Variants in DNAH17 observed in about 807,000 individuals in gnomAD.
The protein encoded by DNAH17 is axonemal beta dynein heavy chain 17.
In DNAH17, 376 loss-of-function variants were observed where a neutral mutation model predicts 485.6. That is an observed-to-expected ratio of 0.77 (90% CI 0.71 to 0.84). The LOEUF (loss-of-function observed/expected upper bound fraction) is 0.84. Ranked by LOEUF, DNAH17 falls within the 40% of genes least tolerant of loss-of-function variation. The probability of loss-of-function intolerance (pLI) is 0.00; values close to 1 mark genes in which losing one functional copy is unlikely to be tolerated. For synonymous variants in DNAH17, 3,031 were observed against 2,405.9 expected (o/e 1.26, Z -7.60); for missense variants, 6,370 against 5,839.3 (o/e 1.09, Z -2.96).
At chr17:78,478,654 CACCATCACT>C (rs373405651) in intron 51 of DNAH17, among the ~76,000 whole-genome samples, 4,064 of 151,326 alleles carry the variant, frequency 0.027, 166 homozygotes, top group African/African-American at 0.09. Context: ...TTACCATCAC[CACCATCACT>C]ACCATCACTA....
intron 30 of DNAH17, 24 bp downstream of exon 30, chr17:78,506,696 C>G: frequency 1.2e-6 from 2 of 1,613,444 alleles, no homozygotes; most frequent in African/African-American, 1.3e-5. Context: ...GCTTAAACAC[C>G]GGAATGCAAG....
intron 48 of DNAH17, among the ~76,000 whole-genome samples, chr17:78,482,068 T>A (rs1568125993): frequency 8.1e-6 from 1 of 123,068 alleles, no homozygotes; most frequent in Non-Finnish European, 1.6e-5. Context: ...CTACACTAGT[T>A]ACTTTTTTTT....
rs1347277931 is a variant in DNAH17, at chr17:78,522,297, T to C, written c.3864+2712A>G. On this transcript the variant is annotated intron_variant, in intron 25 of 80. Coordinates refer to ENST00000389840, the MANE Select transcript of DNAH17 (RefSeq NM_173628.4). ...AGAACCACAGTACCTCCACTGAGAA[T>C]GCAGACAAGTCCAACCAGGACCCTC... 2.8e-5 allele frequency: 7 copies of C among 253,534 alleles called. No homozygotes were observed. The Admixed American group carries it at 3.9e-4, about 14-fold the overall frequency. The allele number at this position is 253,534 out of a possible 1,614,324, so 15.7% of individuals were successfully genotyped here.
At chr17:78,536,558 G>A (rs1047648695) in intron 19 of DNAH17, among the ~76,000 whole-genome samples, 2 of 152,086 alleles carry the variant, frequency 1.3e-5, no homozygotes, top group African/African-American at 2.4e-5. Context: ...ATGCATGCTC[G>A]TAATCCCAGC....
intron 71 of DNAH17, among the ~76,000 whole-genome samples, chr17:78,442,084 G>GA (rs112049270): frequency 0.81 from 120,526 of 149,272 alleles, 48,842 homozygotes; most frequent in East Asian, 0.92. Context: ...CTCCATCTCA[G>GA]AAAAAAAAAA....
Position 78,479,073 on chromosome 17 carries a change from A to C in DNAH17, c.7944T>G (p.Ile2648Met), listed in dbSNP as rs2089234373. 2 of 1,613,902 alleles carry C rather than the reference A, an allele frequency of 1.2e-6. No individual in the cohort carries two copies. Among genetic ancestry groups the C allele is most frequent in the African/African-American group, 2.7e-5 (2 of 74,928 alleles). ...KITATFLPTA[I>M]KFHYVFNLRD... ...TGAGGTTGAAGACATAATGAAACTT[A>C]ATGGCCGTGGGAAGAAATGTTGCCG... Residue 2648 changes from isoleucine to methionine, a missense_variant, in exon 51 of 81, where the codon ATT becomes ATG. Physicochemically the swap from Ile to Met is conservative, Grantham distance 10. Coordinates refer to ENST00000389840, the MANE Select transcript of DNAH17 (RefSeq NM_173628.4).
rs553388833 is a variant in DNAH17, at chr17:78,467,428, G to A, written c.8779-612C>T. ...TTTGCACCCCTCACTGCGTGATGAC[G>A]TGAGGGTGCAGGACAGAGCCGGCAC... On this transcript the variant is annotated intron_variant, in intron 55 of 80. Transcript: ENST00000389840. 3.1e-4 allele frequency among the ~76,000 whole-genome samples: 47 copies of A among 152,342 alleles called. No individual in the cohort carries two copies. In the South Asian group the frequency reaches 4.6e-3, roughly 15 times the overall value.
Position 78,571,377 on chromosome 17 carries a change from A to G in DNAH17, c.734T>C (p.Leu245Pro). The change falls in exon 5 of 81, where the codon CTA (leucine) becomes CCA (proline). Residue 245 changes from leucine to proline, a missense_variant and splice_region_variant. By Grantham distance (98) the Leu-to-Pro change is moderately conservative. Coordinates refer to ENST00000389840, the MANE Select transcript of DNAH17 (RefSeq NM_173628.4). ...AATCTTGTTCACTTTGGGTCTGTTTAGCTGAGAAGGGGAGTGAAGATCCAC... is the reference window on the plus strand; with the variant it reads ...AATCTTGTTCACTTTGGGTCTGTTTGGCTGAGAAGGGGAGTGAAGATCCAC... Reference protein sequence around the residue: ...LLNLKCIHEQLNRPKVNKIVE... With the variant: ...LLNLKCIHEQPNRPKVNKIVE... 1 of 1,612,226 alleles carries G rather than the reference A, an allele frequency of 6.2e-7. No individual in the cohort carries two copies. The highest frequency in any genetic ancestry group is 8.5e-7 in the Non-Finnish European group (1 of 1,178,466).
intron 2 of DNAH17, among the ~76,000 whole-genome samples, chr17:78,573,900 C>A (rs2092396650): frequency 6.6e-6 from 1 of 152,138 alleles, no homozygotes; most frequent in Non-Finnish European, 1.5e-5. Context: ...GATAAGGCAC[C>A]CCCATTCTGG....
intron 14 of DNAH17, among the ~76,000 whole-genome samples, 161 bp downstream of exon 14, chr17:78,557,947 T>A (rs1038878832): frequency 3.3e-5 from 5 of 152,046 alleles, no homozygotes; most frequent in African/African-American, 1.2e-4. Flanking sequence ...CACATACACA[T>A]AGCAGGTACT....
chr17:78,480,220 A>G (rs2089291606), intron 49 of DNAH17, among the ~76,000 whole-genome samples: 1 of 151,504 alleles, frequency 6.6e-6, no homozygotes. Flanking sequence ...GTGGTGGCGC[A>G]CACCTGTAGC....
chr17:78,432,840 T>A (rs886914431), intron 75 of DNAH17, among the ~76,000 whole-genome samples: 4 of 150,150 alleles, frequency 2.7e-5, no homozygotes, highest in African/African-American at 1.0e-4. Context: ...GGAAGCAGGC[T>A]TAGCGGTCCA....
chr17:78,432,909 C>CCG lies in DNAH17; in HGVS notation c.12225+1119_12225+1120insCG, dbSNP rs1555650500. The stretch of plus-strand genomic sequence containing the variant: ...AGAGCAGGCTTCAAACGTGCCCCCC[C>CCG]CCCCCGACCCCGGTGCCAGCACCGT... On this transcript the variant is annotated intron_variant, in intron 75 of 80. Transcript: ENST00000389840. Among the ~76,000 whole-genome samples, 15 of 120,748 alleles carry CCG rather than the reference C, an allele frequency of 1.2e-4. 1 individual carries two copies. Among genetic ancestry groups the CCG allele is most frequent in the East Asian group, 5.5e-4 (2 of 3,640 alleles). The allele number at this position is 120,748 out of a possible 152,430, so 79.2% of individuals were successfully genotyped here.
chr17:78,574,338 C>A (rs2092403292), intron 2 of DNAH17, among the ~76,000 whole-genome samples: 1 of 151,880 alleles, frequency 6.6e-6, no homozygotes, highest in Non-Finnish European at 1.5e-5. Context: ...TCATCTCTTA[C>A]CAAAAAATAC....
At chr17:78,461,469 A>AC (rs1349885361) in intron 58 of DNAH17, 75 bp downstream of exon 58, 1 of 1,396,892 alleles carries the variant, frequency 7.2e-7, no homozygotes, top group Non-Finnish European at 9.4e-7. Context: ...GTGGCACCTG[A>AC]CCACACGTGG....
In DNAH17 at chr17:78,524,691, T is replaced by TA. The variant is rs549042955; in HGVS notation, c.3864+317dup. Reference sequence around the variant, plus strand: ...AACAGACTAAGTGGTATTCCTTACTTAAAAAAATTTCTTTAAAAAAGGTGA... The same window carrying TA: ...AACAGACTAAGTGGTATTCCTTACTTAAAAAAAATTTCTTTAAAAAAGGTGA... On this transcript the variant is annotated intron_variant, in intron 25 of 80. Transcript: ENST00000389840. Among the ~76,000 whole-genome samples the TA allele has an allele frequency of 7.4e-4, 112 of 151,246 alleles. 1 individual carries two copies. The highest frequency in any genetic ancestry group is 2.4e-3 in the Admixed American group (37 of 15,200).
intron 42 of DNAH17, among the ~76,000 whole-genome samples, 160 bp from the exon 43 acceptor site, chr17:78,491,730 T>C (rs977232567): frequency 1.3e-5 from 2 of 152,094 alleles, no homozygotes; most frequent in African/African-American, 4.8e-5. Flanking sequence ...CTCCCTGCCC[T>C]CCGTTCTCTG....
chr17:78,465,952 G>A (rs1263747149), intron 56 of DNAH17, among the ~76,000 whole-genome samples: 6 of 152,206 alleles, frequency 3.9e-5, no homozygotes, highest in East Asian at 1.9e-4. Context: ...CATTGAGAGC[G>A]GGCCAGGATG....
At chr17:78,461,942 G>A (rs75753226) in intron 57 of DNAH17, among the ~76,000 whole-genome samples, 2,794 of 152,120 alleles carry the variant, frequency 0.018, 39 homozygotes, top group Non-Finnish European at 0.027. Context: ...CAAAGGAGTT[G>A]GCAAGGTGAC....
Sources: allele counts gnomAD v4.1 joint callset (sites outside exome capture counted in the v4.1 genomes callset), GRCh38; gene constraint gnomAD v4.1.1; transcripts MANE v1.5; gene names NCBI Gene and HGNC (gene_info 2026-07-23, HGNC 2026-07-21).